Variants in ITPR1 observed in about 807,000 individuals in gnomAD.
ITPR1 encodes the protein inositol 1,4,5-trisphosphate-gated calcium channel ITPR1.
A neutral mutation model predicts 318.4 loss-of-function variants in ITPR1; 96 were observed. The observed-to-expected ratio is 0.30, with a 90% CI of 0.26 to 0.36. ITPR1 has a LOEUF of 0.36. Among genes scored for constraint, ITPR1 ranks in the 10% least tolerant of loss-of-function variants. The pLI is 1.00. For synonymous variants in ITPR1, 1,312 were observed against 1,289.9 expected (o/e 1.02, Z -0.37); for missense variants, 2,440 against 3,460.2 (o/e 0.71, Z 7.40).
At chr3:4,740,527 C>A (rs998830041) in intron 44 of ITPR1, among the ~76,000 whole-genome samples, 1 of 152,138 alleles carries the variant, frequency 6.6e-6, no homozygotes, top group South Asian at 2.1e-4. Flanking sequence ...GGGTTTGCTC[C>A]CTTATTATGA....
chr3:4,582,247 C>T (rs73102492), intron 4 of ITPR1, among the ~76,000 whole-genome samples: 23,812 of 152,078 alleles, frequency 0.16, 2,412 homozygotes, highest in African/African-American at 0.29. Context: ...TTAGCATATG[C>T]GCTTTGGGTT....
chr3:4,619,116 T>C (rs2092497590), intron 4 of ITPR1, among the ~76,000 whole-genome samples: 1 of 152,242 alleles, frequency 6.6e-6, no homozygotes, highest in South Asian at 2.1e-4. Context: ...CCAGGGTTGC[T>C]GTGAGATGTC....
At chr3:4,631,312 A>G (rs958566649) in intron 5 of ITPR1, among the ~76,000 whole-genome samples, 6 of 152,042 alleles carry the variant, frequency 3.9e-5, no homozygotes, top group Non-Finnish European at 7.4e-5. Flanking sequence ...ACGATTTTAC[A>G]TTTCCCTTTT....
At chr3:4,650,841 G>A (rs767072678) in intron 10 of ITPR1, among the ~76,000 whole-genome samples, 17 of 152,142 alleles carry the variant, frequency 1.1e-4, no homozygotes, top group Non-Finnish European at 1.6e-4. Flanking sequence ...CATGGGTCAC[G>A]TTTTTCTGAT....
At chr3:4,625,136 A>G (rs2092782211) in intron 4 of ITPR1, among the ~76,000 whole-genome samples, 1 of 152,206 alleles carries the variant, frequency 6.6e-6, no homozygotes, top group African/African-American at 2.4e-5. Context: ...TTTACCTTAT[A>G]ACTGCCTGTG....
intron 10 of ITPR1, among the ~76,000 whole-genome samples, chr3:4,651,523 C>G (rs946136994): frequency 1.3e-5 from 2 of 152,202 alleles, no homozygotes; most frequent in African/African-American, 2.4e-5. Context: ...TTGTGTACCA[C>G]CAGTTGTCCA....
chr3:4,588,839 G>A (rs551601883), intron 4 of ITPR1, among the ~76,000 whole-genome samples: 6 of 152,214 alleles, frequency 3.9e-5, no homozygotes, highest in African/African-American at 1.2e-4. Context: ...TTGGCTTGTA[G>A]TGTCTTGATT....
intron 4 of ITPR1, among the ~76,000 whole-genome samples, chr3:4,566,506 A>G (rs1284119041): frequency 6.6e-6 from 1 of 152,006 alleles, no homozygotes; most frequent in Non-Finnish European, 1.5e-5. Context: ...TCAGCCAAGT[A>G]AGGCCAGATA....
intron 4 of ITPR1, among the ~76,000 whole-genome samples, chr3:4,537,263 C>T (rs2083960425): frequency 6.6e-6 from 1 of 152,156 alleles, no homozygotes; most frequent in African/African-American, 2.4e-5. Flanking sequence ...TCATCCCAGC[C>T]ATCTGTTTTC....
chr3:4,811,743 G>T (rs2048952268), intron 56 of ITPR1, among the ~76,000 whole-genome samples: 1 of 152,202 alleles, frequency 6.6e-6, no homozygotes, highest in Non-Finnish European at 1.5e-5. Context: ...CATACATATT[G>T]AGAGCGTTGG....
intron 44 of ITPR1, among the ~76,000 whole-genome samples, chr3:4,753,820 T>C (rs1359180754): frequency 1.3e-5 from 2 of 152,024 alleles, no homozygotes; most frequent in African/African-American, 2.4e-5. Flanking sequence ...GCCGGTACTG[T>C]GCGGGCTCTC....
Position 4,846,671 on chromosome 3 carries a change from T to C in ITPR1, c.*446T>C, listed in dbSNP as rs1410881809. The C allele has an allele frequency of 6.5e-6, 1 of 152,940 alleles. No homozygotes were observed. The highest frequency in any genetic ancestry group is 2.4e-5 in the African/African-American group (1 of 41,470). 9.5% of individuals were successfully genotyped at this position (152,940 alleles called of 1,614,324 possible). On this transcript the variant is annotated 3_prime_UTR_variant, in exon 62 of 62. Coordinates refer to ENST00000649015, the MANE Select transcript of ITPR1 (RefSeq NM_001378452.1). ...TTCTTTGAAGCTGGTGTGTTAATAC[T>C]ATGTAATAAATGGTTAACTTTCAAA... is the stretch of plus-strand genomic sequence containing the variant.
chr3:4,609,429 AG>A (rs2091943290), intron 4 of ITPR1, among the ~76,000 whole-genome samples: 1 of 152,084 alleles, frequency 6.6e-6, no homozygotes, highest in Non-Finnish European at 1.5e-5. Flanking sequence ...GACGTTTTTG[AG>A]TAAGTCCTGA....
intron 2 of ITPR1, among the ~76,000 whole-genome samples, chr3:4,498,366 G>A (rs555260885): frequency 6.6e-6 from 1 of 152,266 alleles, no homozygotes; most frequent in East Asian, 1.9e-4. Flanking sequence ...CCAAATGTCA[G>A]AGCAGCAAGT....
intron 51 of ITPR1, 22 bp from the exon 52 acceptor site, chr3:4,787,925 C>G (rs1402430860): frequency 4.5e-6 from 7 of 1,558,902 alleles, no homozygotes; most frequent in Non-Finnish European, 6.2e-6. Flanking sequence ...AATATTTAAT[C>G]TCATCCACTT....
chr3:4,750,302 T>C (rs2044405828), intron 44 of ITPR1: 2 of 152,022 alleles, frequency 1.3e-5, no homozygotes, highest in Admixed American at 6.5e-5. Flanking sequence ...TGGATGGCCA[T>C]GCAGAGCACC....
At chr3:4,730,750 G>T (rs1488979086) in intron 42 of ITPR1, among the ~76,000 whole-genome samples, 1 of 152,186 alleles carries the variant, frequency 6.6e-6, no homozygotes, top group Non-Finnish European at 1.5e-5. Context: ...CTAGCTCCAA[G>T]TGGAATCGTG....
At chr3:4,651,788 C>T (rs2093604592) in intron 10 of ITPR1, among the ~76,000 whole-genome samples, 1 of 152,204 alleles carries the variant, frequency 6.6e-6, no homozygotes, top group African/African-American at 2.4e-5. Flanking sequence ...TGACAGTTCT[C>T]CACGAAAGTC....
chr3:4,750,331 A>G (rs2044407969), intron 44 of ITPR1: 1 of 152,056 alleles, frequency 6.6e-6, no homozygotes, highest in Non-Finnish European at 1.5e-5. Context: ...GGAAATCTAT[A>G]TCCTGCTGTT....
Sources: gnomAD v4.1 joint callset for allele counts (sites outside exome capture counted in the v4.1 genomes callset) on GRCh38, gnomAD v4.1.1 for gene constraint, MANE v1.5 for transcripts, NCBI Gene and HGNC (gene_info 2026-07-23, HGNC 2026-07-21) for gene names.